Variants in DNAH3 observed in about 807,000 individuals in gnomAD.
DNAH3 encodes axonemal beta dynein heavy chain 3.
A neutral mutation model predicts 432.5 loss-of-function variants in DNAH3; 332 were observed. That is an observed-to-expected ratio of 0.77 (90% CI 0.70 to 0.84). The LOEUF (loss-of-function observed/expected upper bound fraction) is 0.84, where lower values mean the gene tolerates loss of function less well. Ranked by LOEUF, DNAH3 falls within the 40% of genes least tolerant of loss-of-function variation. The probability of loss-of-function intolerance (pLI) is 0.00; values close to 1 mark genes in which losing one functional copy is unlikely to be tolerated. For synonymous variants in DNAH3, 1,956 were observed against 1,900.2 expected, an observed-to-expected ratio of 1.03 and a Z score of -0.76; for missense variants, 4,861 against 5,114.0, an observed-to-expected ratio of 0.95 and a Z score of 1.51.
chr16:20,952,326 G>A, intron 56 of DNAH3, 107 bp downstream of exon 56: 1 of 712,496 alleles, frequency 1.4e-6, no homozygotes, highest in Non-Finnish European at 2.6e-6. Context: ...GATGTTTATG[G>A]TGAGGGAGGG....
rs371003709 is a variant in DNAH3, at chr16:21,024,575, G to A, written c.5646+21C>T. The A allele has an allele frequency of 1.4e-5, 21 of 1,554,002 alleles. No individual in the cohort carries two copies. The African/African-American group carries it at 2.8e-4, about 20-fold the overall frequency. On this transcript the variant is annotated intron_variant, in intron 39 of 61. Transcript: ENST00000261383. ...AGCAGGGAGACAGCAGGAGGGGAAG[G>A]AAAGGGTCTGAGGGGCTCACCAATT...
chr16:21,153,161 A>G (rs1384916040), intron 1 of DNAH3, among the ~76,000 whole-genome samples: 6 of 152,166 alleles, frequency 3.9e-5, no homozygotes, highest in Admixed American at 1.3e-4. Context: ...GAATGCACCA[A>G]TCGACACTCT....
chr16:20,999,755 T>TA lies in DNAH3; in HGVS notation c.6421+468dup, dbSNP rs199863912. On this transcript the variant is annotated intron_variant, in intron 43 of 61. Transcript: ENST00000261383. ...AGTGAGGAAACGCTTTGTAAATAGT[T>TA]ACAGTCCTGGGAAAATTCACTGTGC... 2.4e-4 allele frequency among the ~76,000 whole-genome samples: 36 copies of TA among 152,336 alleles called. No homozygotes were observed. The East Asian group carries it at 6.4e-3, about 27-fold the overall frequency.
intron 29 of DNAH3, among the ~76,000 whole-genome samples, chr16:21,051,211 G>A (rs544342533): frequency 5.9e-5 from 9 of 152,264 alleles, no homozygotes; most frequent in South Asian, 2.1e-4. Flanking sequence ...ACAAAATCCC[G>A]ATCTCAAAGG....
At chr16:21,002,444 G>GTTA (rs67362610) in intron 42 of DNAH3, among the ~76,000 whole-genome samples, 2,014 of 146,828 alleles carry the variant, frequency 0.014, 23 homozygotes, top group East Asian at 0.064. Flanking sequence ...ATCTGGTGTT[G>GTTA]TTATTATTAT....
At chr16:20,941,342 G>A (rs2083800354) in intron 59 of DNAH3, 59 bp downstream of exon 59, 10 of 1,603,966 alleles carry the variant, frequency 6.2e-6, no homozygotes, top group Non-Finnish European at 8.5e-6. Context: ...GCTACTGCCT[G>A]TTAGATCCTA....
In DNAH3 at chr16:21,101,553, G is replaced by T. The variant is rs571019498; in HGVS notation, c.2367-2784C>A. Among the ~76,000 whole-genome samples, 31 of 152,322 alleles carry T rather than the reference G, an allele frequency of 2.0e-4. 1 individual carries two copies. The South Asian group carries it at 2.1e-3, about 10-fold the overall frequency. ...AAGGGGAGGATTCTGGCAGGAAATA[G>T]AATTCACTCCCATGTTCAAAGAAAG... On this transcript the variant is annotated intron_variant, in intron 16 of 61. Coordinates refer to ENST00000261383, the Ensembl canonical transcript of DNAH3.
At chr16:21,085,173 A>G (rs1307058537) in intron 19 of DNAH3, among the ~76,000 whole-genome samples, 1 of 151,440 alleles carries the variant, frequency 6.6e-6, no homozygotes, top group East Asian at 2.0e-4. Context: ...GAGGCCAGGA[A>G]TTTGAGACCA....
chr16:21,157,946 A>G (rs993190182), intron 1 of DNAH3, among the ~76,000 whole-genome samples: 7 of 151,550 alleles, frequency 4.6e-5, no homozygotes, highest in African/African-American at 1.2e-4. Context: ...ACTGGCATCT[A>G]ATGGGTAGAG....
Position 21,104,461 on chromosome 16 carries a change from C to T in DNAH3, c.2366+10G>A. Reference sequence around the variant, plus strand: ...CTCATTTCCAAGACAATCCCAGACTCTCCCGGTACCTTTTAATCAGATCCA... The same window carrying T: ...CTCATTTCCAAGACAATCCCAGACTTTCCCGGTACCTTTTAATCAGATCCA... On this transcript the variant is annotated intron_variant, in intron 16 of 61. Coordinates refer to ENST00000261383, the Ensembl canonical transcript of DNAH3. 1 of 1,613,044 alleles carries T rather than the reference C, an allele frequency of 6.2e-7. No individual in the cohort carries two copies. The highest frequency in any genetic ancestry group is 8.5e-7 in the Non-Finnish European group (1 of 1,179,074).
intron 55 of DNAH3, among the ~76,000 whole-genome samples, chr16:20,954,194 G>C (rs2084448623): frequency 1.4e-5 from 2 of 138,752 alleles, no homozygotes; most frequent in Admixed American, 1.5e-4. Context: ...CCACACTCCA[G>C]CGTGGGTGAC....
At chr16:21,057,255 A>C (rs1216292812) in intron 27 of DNAH3, among the ~76,000 whole-genome samples, 1 of 152,218 alleles carries the variant, frequency 6.6e-6, no homozygotes, top group African/African-American at 2.4e-5. Flanking sequence ...AGTTTAAAAA[A>C]TAGAAAAAGT....
chr16:20,979,609 TTTAG>T, intron 49 of DNAH3, 63 bp from the exon 50 acceptor site: 1 of 1,457,692 alleles, frequency 6.9e-7, no homozygotes, highest in African/African-American at 1.4e-5. Context: ...CCAGTACAGC[TTTAG>T]TTATAGACAT....
At chr16:21,052,338 C>T (rs1020205848) in intron 28 of DNAH3, among the ~76,000 whole-genome samples, 3 of 152,208 alleles carry the variant, frequency 2.0e-5, no homozygotes, top group African/African-American at 7.2e-5. Context: ...CCCCAACCTG[C>T]AGGCAGCAAT....
chr16:21,000,295 A>G lies in DNAH3; in HGVS notation c.6350T>C (p.Met2117Thr), dbSNP rs764261436. 3 of 1,614,178 alleles carry G rather than the reference A, an allele frequency of 1.9e-6. No homozygotes were observed. The South Asian group carries it at 3.3e-5, about 18-fold the overall frequency. Residue 2117 changes from methionine (M) to threonine (T), a missense_variant, in exon 43 of 62, where the codon ATG becomes ACG. Met to Thr is a moderately conservative substitution (Grantham distance 81). Coordinates refer to ENST00000261383, the Ensembl canonical transcript of DNAH3. ...CTTCCGTCGTCGATCCAGCTTGGAC[A>G]TGATGATATCCTGGGTCTGATTGGC...
intron 4 of DNAH3, 96 bp downstream of exon 5, chr16:21,141,204 T>C: frequency 1.1e-6 from 1 of 885,824 alleles, no homozygotes; most frequent in Non-Finnish European, 1.7e-6. Flanking sequence ...CTGGGAATGC[T>C]TTGAAGCCAA....
chr16:21,113,758 C>T (rs2092125524), intron 12 of DNAH3, among the ~76,000 whole-genome samples: 1 of 152,100 alleles, frequency 6.6e-6, no homozygotes, highest in African/African-American at 2.4e-5. Flanking sequence ...CAGGCCGGGC[C>T]CAATGTCTTT....
At chr16:20,999,931 C>A (rs2086935250) in intron 43 of DNAH3, among the ~76,000 whole-genome samples, 1 of 148,012 alleles carries the variant, frequency 6.8e-6, no homozygotes, top group Non-Finnish European at 1.5e-5. Context: ...TCTGAAATTA[C>A]TACTTCCACT....
chr16:21,062,349 C>T (rs2090388026), intron 25 of DNAH3, 133 bp downstream of exon 25: 1 of 684,986 alleles, frequency 1.5e-6, no homozygotes, highest in Non-Finnish European at 2.5e-6. Context: ...CCCAAATCTT[C>T]AGTCGTTACA....
Sources: allele counts gnomAD v4.1 joint callset (sites outside exome capture counted in the v4.1 genomes callset), GRCh38; gene constraint gnomAD v4.1.1; transcripts MANE v1.5; gene names NCBI Gene and HGNC (gene_info 2026-07-23, HGNC 2026-07-21).